The following JAKMIP2 variants were observed in gnomAD, a reference collection of about 807,000 sequenced individuals.
JAKMIP2 encodes janus kinase and microtubule-interacting protein 2.
Under a neutral mutation model 115.0 loss-of-function variants are expected in JAKMIP2, and 25 were observed. That is an observed-to-expected ratio of 0.22 (90% confidence interval 0.16 to 0.30). The LOEUF is 0.30. Ranked by LOEUF, JAKMIP2 falls within the 10% of genes least tolerant of loss-of-function variation. JAKMIP2 has a pLI of 1.00. For synonymous variants in JAKMIP2, 334 were observed against 343.6 expected, an observed-to-expected ratio of 0.97 and a Z score of 0.31; for missense variants, 642 against 957.6, an observed-to-expected ratio of 0.67 and a Z score of 4.35.
intron 1 of JAKMIP2, among the ~76,000 whole-genome samples, chr5:147,700,951 T>C (rs1752301286): frequency 6.6e-6 from 1 of 152,214 alleles, no homozygotes; most frequent in African/African-American, 2.4e-5. Context: ...TATTTGAGCA[T>C]ATTCATTTGG....
At chr5:147,759,625 G>A (rs569923779) in intron 1 of JAKMIP2, among the ~76,000 whole-genome samples, 2 of 152,270 alleles carry the variant, frequency 1.3e-5, no homozygotes, top group East Asian at 3.9e-4. Flanking sequence ...ACTGGATGGT[G>A]AGAGAGCCTC....
At chr5:147,647,750 A>T (rs1758196898) in intron 5 of JAKMIP2, among the ~76,000 whole-genome samples, 1 of 152,190 alleles carries the variant, frequency 6.6e-6, no homozygotes, top group Non-Finnish European at 1.5e-5. Context: ...GTTTGGTAAT[A>T]ACTATTGATG....
intron 3 of JAKMIP2, among the ~76,000 whole-genome samples, chr5:147,651,673 C>T (rs1472880586): frequency 6.6e-6 from 1 of 151,932 alleles, no homozygotes; most frequent in African/African-American, 2.4e-5. Flanking sequence ...CACGTATTTT[C>T]CACATATAAA....
chr5:147,762,783 T>C (rs962781447), intron 1 of JAKMIP2, among the ~76,000 whole-genome samples: 1 of 152,146 alleles, frequency 6.6e-6, no homozygotes, highest in African/African-American at 2.4e-5. Flanking sequence ...TCTGTTGGTA[T>C]AGATCATTTG....
intron 21 of JAKMIP2, among the ~76,000 whole-genome samples, chr5:147,593,062 T>A (rs1160544993): frequency 1.3e-5 from 2 of 152,208 alleles, no homozygotes; most frequent in Non-Finnish European, 2.9e-5. Flanking sequence ...CATACTTGCC[T>A]CCTATTGCTC....
At chr5:147,774,723 C>A (rs1382595304) in intron 1 of JAKMIP2, among the ~76,000 whole-genome samples, 1 of 152,008 alleles carries the variant, frequency 6.6e-6, no homozygotes, top group Non-Finnish European at 1.5e-5. Flanking sequence ...GTACCTCTCT[C>A]CATGAAGTGC....
At chr5:147,660,073 A>AGTT (rs1758880481) in intron 3 of JAKMIP2, among the ~76,000 whole-genome samples, 7 of 152,234 alleles carry the variant, frequency 4.6e-5, no homozygotes, top group Admixed American at 2.6e-4. Context: ...AACAGGCGAT[A>AGTT]GTTGATGTGA....
At chr5:147,610,722 T>C (rs574681531) in intron 20 of JAKMIP2, among the ~76,000 whole-genome samples, 1 of 152,304 alleles carries the variant, frequency 6.6e-6, no homozygotes, top group African/African-American at 2.4e-5. Flanking sequence ...TGCTGGGAGA[T>C]CCACTGCTCT....
intron 21 of JAKMIP2, chr5:147,594,323 G>A (rs990697469): frequency 2.9e-6 from 1 of 346,574 alleles, no homozygotes; most frequent in East Asian, 8.2e-5. Flanking sequence ...AGACTTTACT[G>A]CATGCTACAA....
chr5:147,759,523 C>T (rs1754859386), intron 1 of JAKMIP2, among the ~76,000 whole-genome samples: 1 of 151,926 alleles, frequency 6.6e-6, no homozygotes, highest in African/African-American at 2.4e-5. Flanking sequence ...AGAAACAAAC[C>T]AACAACTGAA....
intron 1 of JAKMIP2, among the ~76,000 whole-genome samples, chr5:147,779,989 C>T (rs993842246): frequency 5.3e-5 from 8 of 152,146 alleles, no homozygotes; most frequent in Non-Finnish European, 7.4e-5. Context: ...CCATTGACTA[C>T]ATTTGAGGTT....
At chr5:147,592,882 T>A (rs960912397) in intron 21 of JAKMIP2, among the ~76,000 whole-genome samples, 2 of 152,188 alleles carry the variant, frequency 1.3e-5, no homozygotes, top group African/African-American at 4.8e-5. Flanking sequence ...AAAGGCATAT[T>A]TGCAGAGCCA....
chr5:147,662,157 G>A (rs12658788), intron 2 of JAKMIP2: 37,408 of 149,288 alleles, frequency 0.25, 5,885 homozygotes, highest in East Asian at 0.46. Flanking sequence ...TCATCCCCAA[G>A]TTTTACACAC....
intron 2 of JAKMIP2, among the ~76,000 whole-genome samples, chr5:147,668,882 T>C (rs1759439661): frequency 6.6e-6 from 1 of 152,204 alleles, no homozygotes; most frequent in African/African-American, 2.4e-5. Context: ...CCATGACAGA[T>C]AGTAAACATT....
chr5:147,705,157 T>C (rs1752513662), intron 1 of JAKMIP2, among the ~76,000 whole-genome samples: 2 of 152,182 alleles, frequency 1.3e-5, no homozygotes, highest in South Asian at 4.1e-4. Context: ...CCATTATAAG[T>C]GTGTGAAAAA....
chr5:147,657,419 CTGG>C (rs1561518918), intron 3 of JAKMIP2, among the ~76,000 whole-genome samples: 1 of 152,198 alleles, frequency 6.6e-6, no homozygotes, highest in Non-Finnish European at 1.5e-5. Flanking sequence ...GCCTTTCTCT[CTGG>C]TTACCCTTAA....
At chr5:147,620,496 A>G (rs2126652481) in intron 18 of JAKMIP2, among the ~76,000 whole-genome samples, 170 bp downstream of exon 18, 1 of 152,336 alleles carries the variant, frequency 6.6e-6, no homozygotes, top group Non-Finnish European at 1.5e-5. Context: ...TAGAATAAGT[A>G]AAGAGCTAGG....
At chr5:147,768,784 C>G (rs1755242896) in intron 1 of JAKMIP2, among the ~76,000 whole-genome samples, 1 of 152,110 alleles carries the variant, frequency 6.6e-6, no homozygotes, top group Non-Finnish European at 1.5e-5. Flanking sequence ...ATCTTTATGG[C>G]AAATGTTAAA....
At chr5:147,715,055 T>C (rs1327690890) in intron 1 of JAKMIP2, among the ~76,000 whole-genome samples, 2 of 152,146 alleles carry the variant, frequency 1.3e-5, no homozygotes, top group Non-Finnish European at 2.9e-5. Flanking sequence ...ACAGCAGATA[T>C]GGTTTTAAGG....
Sources: gnomAD v4.1 joint callset for allele counts (sites outside exome capture counted in the v4.1 genomes callset) on GRCh38, gnomAD v4.1.1 for gene constraint, MANE v1.5 for transcripts, NCBI Gene and HGNC (gene_info 2026-07-23, HGNC 2026-07-21) for gene names.